NLRP4: variants seen among roughly 807,000 people sequenced by gnomAD.
The protein encoded by NLRP4 is NLR family pyrin domain containing 4, also known as NACHT, LRR and PYD domains-containing protein 4.
In NLRP4, 44 loss-of-function variants were observed where a neutral mutation model predicts 84.7. The ratio of observed to expected loss-of-function variants is 0.52; its 90% CI spans 0.41 to 0.67. The LOEUF is 0.67. NLRP4 is among the 30% of genes least tolerant of loss of function. NLRP4 has a pLI of 0.00. For synonymous variants in NLRP4, 544 were observed against 476.4 expected (o/e 1.14, Z -1.85); for missense variants, 1,260 against 1,219.4 (o/e 1.03, Z -0.50).
In NLRP4 at chr19:55,859,165, A is replaced by C; in HGVS notation, c.1772A>C (p.Tyr591Ser). Residue 591 changes from tyrosine (Y) to serine (S), a missense_variant, in exon 3 of 10, where the codon TAC becomes TCC. Tyr to Ser is a moderately radical substitution (Grantham distance 144). Coordinates refer to ENST00000301295, the MANE Select transcript of NLRP4 (RefSeq NM_134444.5). Reference protein sequence around the residue: ...IDNVDLVVSAYCLKYCSSLRK... With the variant: ...IDNVDLVVSASCLKYCSSLRK... ...AACGTGGACTTGGTGGTTTCTGCCT[A>C]CTGCTTAAAATACTGCTCCAGCTTG... 1 of 1,613,732 alleles carries C rather than the reference A, an allele frequency of 6.2e-7. No homozygotes were observed. Among genetic ancestry groups the C allele is most frequent in the Non-Finnish European group, 8.5e-7 (1 of 1,179,632 alleles).
intron 7 of NLRP4, 89 bp from the exon 8 acceptor site, chr19:55,876,907 A>T: frequency 2.8e-6 from 3 of 1,081,608 alleles, no homozygotes; most frequent in Non-Finnish European, 4.0e-6. Flanking sequence ...CACATGAATG[A>T]CAAAGGCTGT....
At chr19:55,846,501 G>A (rs1983799440) in intron 1 of NLRP4, among the ~76,000 whole-genome samples, 1 of 152,124 alleles carries the variant, frequency 6.6e-6, no homozygotes, top group African/African-American at 2.4e-5. Flanking sequence ...CTTGCCCAAA[G>A]TCATTCTTTA....
At chr19:55,840,338 ATGTG>A (rs776659188) in intron 1 of NLRP4, among the ~76,000 whole-genome samples, 2 of 136,928 alleles carry the variant, frequency 1.5e-5, no homozygotes, top group African/African-American at 5.6e-5. Context: ...ACATATGTGT[ATGTG>A]TATGTGTGTG....
At position 55,850,772 on chromosome 19, in the gene NLRP4, A is replaced by T. The variant is rs1015124370; in HGVS notation, c.-65-1244A>T. The stretch of plus-strand genomic sequence containing the variant: ...TCCCGAGGCTGCGGTGTAATTTCCG[A>T]GGCTGCGGTGTAATTCCCGAGGCTG... On this transcript the variant is annotated intron_variant, in intron 1 of 9. Coordinates refer to ENST00000301295, the MANE Select transcript of NLRP4 (RefSeq NM_134444.5). Among the ~76,000 whole-genome samples the T allele has an allele frequency of 4.5e-5, 5 of 111,082 alleles. 1 individual carries two copies. The highest frequency in any genetic ancestry group is 2.9e-4 in the South Asian group (1 of 3,504). 72.9% of individuals were successfully genotyped at this position (111,082 alleles called of 152,430 possible). A position where few individuals can be genotyped will look rare whatever the true frequency, so the allele number is the denominator to read the frequency against.
At chr19:55,873,237 G>A (rs1047434673) in intron 7 of NLRP4, among the ~76,000 whole-genome samples, 1 of 150,368 alleles carries the variant, frequency 6.7e-6, no homozygotes. Flanking sequence ...TAAACAAAAT[G>A]TGGATTGTGT....
chr19:55,867,526 C>T (rs533284633), intron 5 of NLRP4, among the ~76,000 whole-genome samples, 183 bp from the exon 6 acceptor site: 2 of 151,564 alleles, frequency 1.3e-5, no homozygotes, highest in South Asian at 4.2e-4. Context: ...TGAGACTGTG[C>T]ATCTCAGGTT....
At chr19:55,859,936 A>AAAC (rs1568666171) in intron 3 of NLRP4, among the ~76,000 whole-genome samples, 14 of 127,686 alleles carry the variant, frequency 1.1e-4, no homozygotes, top group African/African-American at 4.0e-4. Context: ...CAAAAAAAAA[A>AAAC]AAAAAAAAAA....
chr19:55,850,151 G>GAGGCTGCGGTGTAATTTCCA (rs1984013259), intron 1 of NLRP4, among the ~76,000 whole-genome samples: 4 of 143,268 alleles, frequency 2.8e-5, no homozygotes, highest in Admixed American at 2.7e-4. Context: ...TGTAATTTCC[G>GAGGCTGCGGTGTAATTTCCA]AGGCTGCGGT....
At chr19:55,855,720 C>T (rs1427608039) in intron 2 of NLRP4, among the ~76,000 whole-genome samples, 3 of 152,232 alleles carry the variant, frequency 2.0e-5, no homozygotes, top group Admixed American at 2.0e-4. Flanking sequence ...AGCAGCTACT[C>T]ACTTGCAGAA....
chr19:55,862,675 TA>T, intron 5 of NLRP4, among the ~76,000 whole-genome samples: 1 of 125,418 alleles, frequency 8.0e-6, no homozygotes, highest in Non-Finnish European at 1.7e-5. Flanking sequence ...GAGAAGACTA[TA>T]GCGTAAGTCT....
rs75727063 is a variant in NLRP4, at chr19:55,858,236, C to T, written c.843C>T (p.Pro281=). The change falls in exon 3 of 10, where the codon CCC becomes CCT. Residue 281 remains proline (P), a synonymous_variant. Transcript: ENST00000301295. This position sits in a 1 kb window ranked among gnomAD's most constrained non-coding sequence, Gnocchi z 4.2. ...CCTCCCTGCTCATCGCTATCAAACC[C>T]GTGTGCCCGAAGGAGCTCCGGGATC... The part of the protein sequence containing the change: ...PEASLLIAIK[P]VCPKELRDQV... The T allele has an allele frequency of 9.0e-4, 1,455 of 1,614,126 alleles. 10 individuals carry two copies. In the East Asian group the frequency reaches 0.029, roughly 33 times the overall value.
intron 1 of NLRP4, among the ~76,000 whole-genome samples, chr19:55,843,546 G>A (rs566106458): frequency 3.9e-5 from 6 of 151,914 alleles, no homozygotes; most frequent in Non-Finnish European, 8.8e-5. Flanking sequence ...CAAAAAATTA[G>A]CCAGGCGTGG....
At chr19:55,879,840 C>T (rs903678578) in intron 9 of NLRP4, among the ~76,000 whole-genome samples, 3 of 151,722 alleles carry the variant, frequency 2.0e-5, no homozygotes, top group African/African-American at 7.3e-5. Context: ...TATTATAATA[C>T]AAATTATGAT....
At chr19:55,866,619 G>A (rs1216068326) in intron 5 of NLRP4, among the ~76,000 whole-genome samples, 2 of 152,144 alleles carry the variant, frequency 1.3e-5, no homozygotes, top group Non-Finnish European at 2.9e-5. Flanking sequence ...GAGTCCTAGG[G>A]GACTCGGGTT....
At chr19:55,843,759 C>T (rs1246004417) in intron 1 of NLRP4, among the ~76,000 whole-genome samples, 5 of 151,826 alleles carry the variant, frequency 3.3e-5, no homozygotes, top group Admixed American at 6.5e-5. Flanking sequence ...AAAGTAATTG[C>T]GGTTTTTGCA....
intron 1 of NLRP4, among the ~76,000 whole-genome samples, chr19:55,842,084 C>G (rs1444999324): frequency 1.3e-5 from 2 of 152,174 alleles, no homozygotes; most frequent in African/African-American, 2.4e-5. Context: ...TCTCTGCATC[C>G]TTGCCAACAT....
intron 1 of NLRP4, 122 bp downstream of exon 1, chr19:55,837,056 A>G (rs1983348619): frequency 6.6e-6 from 1 of 152,218 alleles, no homozygotes; most frequent in African/African-American, 2.4e-5. Flanking sequence ...ATTTAAAAAG[A>G]AAATCACACT....
At chr19:55,864,428 T>C (rs1389890258) in intron 5 of NLRP4, among the ~76,000 whole-genome samples, 4 of 152,236 alleles carry the variant, frequency 2.6e-5, no homozygotes, top group Non-Finnish European at 5.9e-5. Flanking sequence ...TAAATAGTAT[T>C]CCACTGTGTA....
In NLRP4 at chr19:55,858,049, T is replaced by C; in HGVS notation, c.656T>C (p.Ile219Thr). 1 of 1,614,114 alleles carries C rather than the reference T, an allele frequency of 6.2e-7. No individual in the cohort carries two copies. The highest frequency in any genetic ancestry group is 8.5e-7 in the Non-Finnish European group (1 of 1,180,020). ...GACCCCGCTGCTCCTATAACAGAGA[T>C]CGTGTCTCAACCGGAGAGACTCTTG... ...WPDPAAPITE[I>T]VSQPERLLFV... The change falls in exon 3 of 10, where the codon ATC (isoleucine) becomes ACC (threonine). Residue 219 changes from isoleucine to threonine, a missense_variant. Around this residue, in one of 3 missense-constraint regions of NLRP4, gnomAD observed 712 missense variants for 669.2 expected, o/e 1.06. Coordinates refer to ENST00000301295, the MANE Select transcript of NLRP4 (RefSeq NM_134444.5). This position sits in a 1 kb window ranked among gnomAD's most constrained non-coding sequence, Gnocchi z 4.2.
Sources: allele counts gnomAD v4.1 joint callset (sites outside exome capture counted in the v4.1 genomes callset), GRCh38; gene constraint gnomAD v4.1.1; regional missense constraint gnomAD v4.1.1; non-coding constraint Gnocchi (gnomAD v3.1); transcripts MANE v1.5; gene names NCBI Gene and HGNC (gene_info 2026-07-23, HGNC 2026-07-21).